RPL7A: variants seen among roughly 807,000 people sequenced by gnomAD.
RPL7A encodes the protein ribosomal protein L7a.
For synonymous variants in RPL7A, 158 were observed against 128.2 expected (o/e 1.23, Z -1.57); for missense variants, 291 against 338.2 (o/e 0.86, Z 1.09).
At chr9:133,350,197 G>A in intron 4 of RPL7A, 43 bp from the exon 5 acceptor site, 2 of 1,612,180 alleles carry the variant, frequency 1.2e-6, no homozygotes. Flanking sequence ...CTTGTGACTA[G>A]AGCAGGCCCT....
Position 133,349,906 on chromosome 9 carries a change from T to C in RPL7A, c.275-6T>C. Reference sequence around the variant, plus strand: ...TCCAAGCCTAAACTGAAGAGTGTTTTTCCAGCTACTCAGCTGCTTAAGCTG... The same window carrying C: ...TCCAAGCCTAAACTGAAGAGTGTTTCTCCAGCTACTCAGCTGCTTAAGCTG... On this transcript the variant is annotated splice_polypyrimidine_tract_variant and splice_region_variant and intron_variant, in intron 3 of 7. Transcript: ENST00000323345. 6 of 1,611,122 alleles carry C rather than the reference T, an allele frequency of 3.7e-6. No individual in the cohort carries two copies. The highest frequency in any genetic ancestry group is 5.1e-6 in the Non-Finnish European group (6 of 1,179,816).
chr9:133,349,634 C>T lies in RPL7A; in HGVS notation c.208C>T (p.Leu70Phe). 6.2e-7 allele frequency: 1 copy of T among 1,614,082 alleles called. No individual in the cohort carries two copies. Among genetic ancestry groups the T allele is most frequent in the South Asian group, 1.1e-5 (1 of 91,086 alleles). The stretch of plus-strand genomic sequence containing the variant: ...CAGGTTGCAGCGGCAGAGAGCCATC[C>T]TCTATAAGCGGCTGAAAGTGCCTCC... ...YIRLQRQRAI[L>F]YKRLKVPPAI... Residue 70 changes from leucine to phenylalanine, a missense_variant, in exon 3 of 8, where the codon CTC becomes TTC. Coordinates refer to ENST00000323345, the MANE Select transcript of RPL7A (RefSeq NM_000972.3).
At position 133,349,055 on chromosome 9, in the gene RPL7A, C is replaced by G; in HGVS notation, c.124+13C>G. 6.2e-7 allele frequency: 1 copy of G among 1,612,688 alleles called. No individual in the cohort carries two copies. Among genetic ancestry groups the G allele is most frequent in the Non-Finnish European group, 8.5e-7 (1 of 1,179,384 alleles). Reference sequence around the variant, plus strand: ...AATTTTGGCATTGGTAAGTAACAAACGGCAGAATGAAAACGGTCTATGTTT... The same window carrying G: ...AATTTTGGCATTGGTAAGTAACAAAGGGCAGAATGAAAACGGTCTATGTTT... On this transcript the variant is annotated intron_variant, in intron 2 of 7. Coordinates refer to ENST00000323345, the MANE Select transcript of RPL7A (RefSeq NM_000972.3).
intron 1 of RPL7A, 177 bp downstream of exon 1, chr9:133,348,423 C>A: frequency 1.1e-6 from 1 of 884,450 alleles, no homozygotes; most frequent in Non-Finnish European, 1.8e-6. Flanking sequence ...GGCACGGAGA[C>A]ATTGAGATGG....
At chr9:133,348,651 G>T in intron 1 of RPL7A, 1 of 675,486 alleles carries the variant, frequency 1.5e-6, no homozygotes, top group Non-Finnish European at 2.7e-6. Flanking sequence ...CATGAGTCCG[G>T]GGTGTCTCCT....
In RPL7A at chr9:133,350,676, G is replaced by C. The variant is rs782450220; in HGVS notation, c.575G>C (p.Arg192Pro). The change falls in exon 6 of 8, where the codon CGT (arginine) becomes CCT (proline). Residue 192 changes from arginine to proline, a missense_variant. Transcript: ENST00000323345. ...ATCAAGGGAAAGGCAAGACTGGGAC[G>C]TCTAGTCCACAGGAAGACCTGCACC... Reference protein sequence around the residue: ...CIIKGKARLGRLVHRKTCTTV... With the variant: ...CIIKGKARLGPLVHRKTCTTV... 8 of 1,614,044 alleles carry C rather than the reference G, an allele frequency of 5.0e-6. No individual in the cohort carries two copies. Among genetic ancestry groups the C allele is most frequent in the Non-Finnish European group, 6.8e-6 (8 of 1,180,024 alleles).
intron 3 of RPL7A, 33 bp downstream of exon 3, chr9:133,349,733 A>C: frequency 1.9e-6 from 3 of 1,609,768 alleles, no homozygotes; most frequent in East Asian, 2.2e-5. Context: ...GGAGTTTCTC[A>C]GGCAAGGATT....
Position 133,348,234 on chromosome 9 carries a change from G to T in RPL7A, c.-10G>T. The T allele has an allele frequency of 6.2e-7, 1 of 1,613,888 alleles. No individual in the cohort carries two copies. Among genetic ancestry groups the T allele is most frequent in the Non-Finnish European group, 8.5e-7 (1 of 1,179,936 alleles). On this transcript the variant is annotated 5_prime_UTR_variant, in exon 1 of 8. Coordinates refer to ENST00000323345, the MANE Select transcript of RPL7A (RefSeq NM_000972.3). The stretch of plus-strand genomic sequence containing the variant: ...TTCCCTTTCCTTTCTCTCTCCTCCC[G>T]CCGCCCAAGATGGTGAGTGAGCTGT...
intron 1 of RPL7A, 51 bp from the exon 2 acceptor site, chr9:133,348,871 C>G: frequency 6.2e-6 from 10 of 1,612,770 alleles, no homozygotes; most frequent in Non-Finnish European, 8.5e-6. Context: ...GCCCTACCCC[C>G]GACGAAGCGA....
chr9:133,348,706 T>A (rs782634519), intron 1 of RPL7A: 2 of 760,042 alleles, frequency 2.6e-6, no homozygotes, highest in Non-Finnish European at 4.7e-6. Flanking sequence ...TTAGCCTTGC[T>A]CTGGCCACTC....
At chr9:133,350,853 T>C (rs2129996573) in intron 6 of RPL7A, 126 bp downstream of exon 6, 7 of 1,541,320 alleles carry the variant, frequency 4.5e-6, no homozygotes, top group South Asian at 1.1e-5. Context: ...CTTTTGCCAA[T>C]GATGGTTAAG....
chr9:133,349,076 T>C, intron 2 of RPL7A, 34 bp downstream of exon 2: 3 of 1,609,430 alleles, frequency 1.9e-6, no homozygotes, highest in Non-Finnish European at 2.5e-6. Context: ...AAACGGTCTA[T>C]GTTTTTCTCA....
chr9:133,348,892 C>T (rs1442624800), intron 1 of RPL7A, 30 bp from the exon 2 acceptor site: 8 of 1,612,520 alleles, frequency 5.0e-6, no homozygotes, highest in Non-Finnish European at 5.9e-6. Flanking sequence ...GTGGAGGCGG[C>T]GGTTTAACTG....
Position 133,349,051 on chromosome 9 carries a change from CA to C in RPL7A, c.124+12del, listed in dbSNP as rs2129982998. On this transcript the variant is annotated intron_variant, in intron 2 of 7. Coordinates refer to ENST00000323345, the MANE Select transcript of RPL7A (RefSeq NM_000972.3). Reference sequence around the variant, plus strand: ...TAAGAATTTTGGCATTGGTAAGTAACAAACGGCAGAATGAAAACGGTCTATG... The same window carrying C: ...TAAGAATTTTGGCATTGGTAAGTAACAACGGCAGAATGAAAACGGTCTATG... 1.9e-6 allele frequency: 3 copies of C among 1,612,988 alleles called. No individual in the cohort carries two copies. The African/African-American group carries it at 4.0e-5, about 22-fold the overall frequency.
At position 133,350,271 on chromosome 9, in the gene RPL7A, C is replaced by A; in HGVS notation, c.447C>A (p.Asn149Lys). The change falls in exon 5 of 8, where the codon AAC becomes AAA. Residue 149 changes from asparagine to lysine, a missense_variant. By Grantham distance (94) the Asn-to-Lys change is moderately conservative. Transcript: ENST00000323345. The stretch of plus-strand genomic sequence containing the variant: ...ACACCGTCACCACCTTGGTGGAGAA[C>A]AAGAAAGCTCAGCTGGTGGTGATTG... ...GVNTVTTLVE[N>K]KKAQLVVIAH... is the part of the protein sequence containing the mutation. 1 of 1,614,014 alleles carries A rather than the reference C, an allele frequency of 6.2e-7. No homozygotes were observed. The highest frequency in any genetic ancestry group is 8.5e-7 in the Non-Finnish European group (1 of 1,180,040).
At chr9:133,349,150 G>T (rs1025667823) in intron 2 of RPL7A, 108 bp downstream of exon 2, 1 of 1,339,818 alleles carries the variant, frequency 7.5e-7, no homozygotes. Context: ...AGTGGTCGCA[G>T]TCCTTAATTT....
Position 133,348,253 on chromosome 9 carries a change from G to T in RPL7A, c.3+7G>T, listed in dbSNP as rs2129977237. ...CCTCCCGCCGCCCAAGATGGTGAGT[G>T]AGCTGTAGTTCCGTGGCACTATAGC... On this transcript the variant is annotated splice_region_variant and intron_variant, in intron 1 of 7. Coordinates refer to ENST00000323345, the MANE Select transcript of RPL7A (RefSeq NM_000972.3). 3 of 1,613,996 alleles carry T rather than the reference G, an allele frequency of 1.9e-6. No homozygotes were observed. The African/African-American group carries it at 4.0e-5, about 22-fold the overall frequency.
intron 6 of RPL7A, 65 bp from the exon 7 acceptor site, chr9:133,350,937 T>C: frequency 6.4e-7 from 1 of 1,568,826 alleles, no homozygotes; most frequent in Non-Finnish European, 8.8e-7. Flanking sequence ...CTAAAAGGTA[T>C]TTTTGCATTC....
intron 4 of RPL7A, 80 bp from the exon 5 acceptor site, chr9:133,350,158 ACT>A (rs2129991784): frequency 5.0e-6 from 8 of 1,612,130 alleles, no homozygotes; most frequent in South Asian, 3.3e-5. Context: ...GCTTTTTAAC[ACT>A]GAGTCAGCAG....
Sources: allele counts gnomAD v4.1 joint callset, GRCh38; gene constraint gnomAD v4.1.1; transcripts MANE v1.5; gene names NCBI Gene and HGNC (gene_info 2026-07-23, HGNC 2026-07-21).